Variants in SLC35D4 observed in about 807,000 individuals in gnomAD.
SLC35D4 encodes the protein solute carrier family 35 member D4, also known as UDP-N-acetylglucosamine transporter SLC35D4.
chr18:23,381,022 G>A, the SLC35D4 span, among the ~76,000 whole-genome samples: 1 of 152,210 alleles, frequency 6.6e-6, no homozygotes, highest in Non-Finnish European at 1.5e-5. Context: ...GTGCAAGTGT[G>A]TTCCTTATGA....
the SLC35D4 span, among the ~76,000 whole-genome samples, chr18:23,249,850 C>T: frequency 3.9e-5 from 6 of 152,112 alleles, no homozygotes; most frequent in African/African-American, 1.2e-4. Flanking sequence ...TATTCAGTAC[C>T]ATGAAGGAGA....
chr18:23,408,434 C>G, the SLC35D4 span, among the ~76,000 whole-genome samples: 1 of 152,052 alleles, frequency 6.6e-6, no homozygotes, highest in Non-Finnish European at 1.5e-5. Context: ...TTTGTCTTCT[C>G]TCTCTAGATT....
the SLC35D4 span, among the ~76,000 whole-genome samples, chr18:23,388,404 T>C: frequency 3.3e-5 from 5 of 152,166 alleles, no homozygotes; most frequent in African/African-American, 9.7e-5. Flanking sequence ...TTATAAACAA[T>C]GAAAATGGGG....
chr18:23,275,081 T>C, the SLC35D4 span, among the ~76,000 whole-genome samples: 17,796 of 150,932 alleles, frequency 0.12, 1,295 homozygotes, highest in African/African-American at 0.21. Flanking sequence ...TGTGTGTGTG[T>C]GCTTGTGTGC....
chr18:23,288,583 T>C, the SLC35D4 span, among the ~76,000 whole-genome samples: 6 of 151,830 alleles, frequency 4.0e-5, no homozygotes, highest in Non-Finnish European at 8.8e-5. Flanking sequence ...CAAATTAGCT[T>C]TACTCAACAT....
the SLC35D4 span, among the ~76,000 whole-genome samples, chr18:23,273,831 T>C: frequency 4.5e-4 from 68 of 152,376 alleles, 1 homozygote; most frequent in Non-Finnish European, 3.5e-4. Flanking sequence ...GTCTGTTTAC[T>C]GTGTGCCGGT....
At chr18:23,371,935 G>GTTTTGTTTTTT in the SLC35D4 span, among the ~76,000 whole-genome samples, 1 of 35,480 alleles carries the variant, frequency 2.8e-5, no homozygotes, top group Non-Finnish European at 4.9e-5. Flanking sequence ...TGTTTTTTTT[G>GTTTTGTTTTTT]TTTTTTTTTT....
the SLC35D4 span, chr18:23,373,696 G>A: frequency 1.2e-6 from 2 of 1,613,368 alleles, no homozygotes; most frequent in Non-Finnish European, 8.5e-7. Flanking sequence ...AGGCAAATGA[G>A]TTCACTTGGA....
the SLC35D4 span, among the ~76,000 whole-genome samples, chr18:23,242,230 A>C: frequency 6.6e-5 from 10 of 152,192 alleles, no homozygotes; most frequent in Admixed American, 1.3e-4. Flanking sequence ...GTGAGCTGAG[A>C]TCACACTATT....
the SLC35D4 span, among the ~76,000 whole-genome samples, chr18:23,420,438 A>G: frequency 2.6e-5 from 4 of 152,050 alleles, no homozygotes; most frequent in East Asian, 7.8e-4. Context: ...CTGTGGTGCA[A>G]TCACAGCAAA....
At chr18:23,320,784 A>C in the SLC35D4 span, among the ~76,000 whole-genome samples, 76 of 152,346 alleles carry the variant, frequency 5.0e-4, no homozygotes, top group African/African-American at 1.8e-3. Flanking sequence ...CTCCTCATCC[A>C]CAAAAGGTCT....
the SLC35D4 span, among the ~76,000 whole-genome samples, chr18:23,299,766 G>C: frequency 1.3e-5 from 2 of 152,206 alleles, no homozygotes; most frequent in Non-Finnish European, 2.9e-5. Flanking sequence ...TGGTCAGTCA[G>C]GTTGAGGGGC....
the SLC35D4 span, among the ~76,000 whole-genome samples, chr18:23,418,412 C>T: frequency 2.0e-5 from 3 of 150,216 alleles, no homozygotes; most frequent in African/African-American, 7.3e-5. Context: ...CACTCTGTCA[C>T]CCAGGCTGGA....
At chr18:23,285,110 G>A in the SLC35D4 span, among the ~76,000 whole-genome samples, 5 of 152,154 alleles carry the variant, frequency 3.3e-5, no homozygotes, top group African/African-American at 1.2e-4. Context: ...TGGGGGAGGG[G>A]CAGGAGCCCT....
chr18:23,397,907 G>T, the SLC35D4 span, among the ~76,000 whole-genome samples: 1 of 152,110 alleles, frequency 6.6e-6, no homozygotes, highest in Non-Finnish European at 1.5e-5. Context: ...TAAATAAATA[G>T]CTGGGTGTAT....
the SLC35D4 span, among the ~76,000 whole-genome samples, chr18:23,340,704 G>A: frequency 1.3e-5 from 2 of 152,206 alleles, no homozygotes; most frequent in East Asian, 3.8e-4. Flanking sequence ...GACATGAGAT[G>A]GTGGTAGCAA....
the SLC35D4 span, among the ~76,000 whole-genome samples, chr18:23,308,485 C>T: frequency 1.3e-5 from 2 of 152,096 alleles, no homozygotes; most frequent in African/African-American, 2.4e-5. Flanking sequence ...TTTCATTGCT[C>T]GGAACCCAAA....
the SLC35D4 span, among the ~76,000 whole-genome samples, chr18:23,323,062 G>T: frequency 6.6e-6 from 1 of 152,168 alleles, no homozygotes; most frequent in African/African-American, 2.4e-5. Context: ...CTGTGCTTGT[G>T]GAAAGGAAGG....
the SLC35D4 span, among the ~76,000 whole-genome samples, chr18:23,238,711 T>C: frequency 5.3e-5 from 8 of 152,238 alleles, no homozygotes; most frequent in African/African-American, 1.9e-4. Context: ...AAATTCACTT[T>C]ATTTATTAAG....
Sources: allele counts gnomAD v4.1 joint callset (sites outside exome capture counted in the v4.1 genomes callset), GRCh38; gene constraint gnomAD v4.1.1; transcripts MANE v1.5; gene names NCBI Gene and HGNC (gene_info 2026-07-23, HGNC 2026-07-21).